TBX4: variants seen among roughly 807,000 people sequenced by gnomAD.
TBX4 encodes the protein T-box transcription factor 4, also known as T-box transcription factor TBX4.
A neutral mutation model predicts 54.6 loss-of-function variants in TBX4; 13 were observed. The observed-to-expected ratio is 0.24, with a 90% CI of 0.15 to 0.38. The LOEUF is 0.38. TBX4 is among the 10% of genes least tolerant of loss of function. The pLI, the probability that TBX4 is intolerant of heterozygous loss-of-function variation, is 1.00. For missense variants in TBX4, 631 were observed against 728.5 expected, an observed-to-expected ratio of 0.87 and a Z score of 1.54; for synonymous variants, 314 against 306.7, an observed-to-expected ratio of 1.02 and a Z score of -0.25.
At position 61,474,016 on chromosome 17, in the gene TBX4, T is replaced by A. The variant is rs1345719757; in HGVS notation, c.550-4611T>A. On this transcript the variant is annotated intron_variant, in intron 5 of 8. Transcript: ENST00000644296. This position sits in a 1 kb window ranked among gnomAD's most constrained non-coding sequence, Gnocchi z 4.6. ...CCTGACTTAGATCTAGTTTGAATTT[T>A]CCTTGGATGCACCTCTTATCATCCG... Among the ~76,000 whole-genome samples, 1 of 152,224 alleles carries A rather than the reference T, an allele frequency of 6.6e-6. No individual in the cohort carries two copies. The highest frequency in any genetic ancestry group is 1.9e-4 in the East Asian group (1 of 5,202).
At chr17:61,473,438 G>T (rs1239995641) in intron 5 of TBX4, among the ~76,000 whole-genome samples, 1 of 152,260 alleles carries the variant, frequency 6.6e-6, no homozygotes, top group Non-Finnish European at 1.5e-5. Flanking sequence ...GAAGGGGGTG[G>T]TAATCAGACA....
At chr17:61,453,909 A>T (rs1569030320) in intron 1 of TBX4, among the ~76,000 whole-genome samples, 1 of 152,240 alleles carries the variant, frequency 6.6e-6, no homozygotes, top group Non-Finnish European at 1.5e-5. Context: ...AAACAGCGTG[A>T]CAAAGTATAA....
rs1252897309 is a variant in TBX4, at chr17:61,476,312, C to T, written c.550-2315C>T. ...GGTCTTCCTAGAAGAGATGTTAGGC[C>T]CAGAAGGTGAGAAAAGAATGGGAAA... On this transcript the variant is annotated intron_variant, in intron 5 of 8. Coordinates refer to ENST00000644296, the MANE Select transcript of TBX4 (RefSeq NM_001321120.2). The surrounding 1 kb of genome is among the most constrained non-coding windows in gnomAD (Gnocchi z 6.5). 6.6e-6 allele frequency among the ~76,000 whole-genome samples: 1 copy of T among 152,120 alleles called. No individual in the cohort carries two copies. The highest frequency in any genetic ancestry group is 1.5e-5 in the Non-Finnish European group (1 of 68,020).
chr17:61,456,347 A>G, intron 1 of TBX4, 141 bp from the exon 2 acceptor site: 1 of 1,141,574 alleles, frequency 8.8e-7, no homozygotes, highest in East Asian at 2.7e-5. Flanking sequence ...TCCCTCCTCC[A>G]GCTCAGGAGG....
In TBX4 at chr17:61,478,980, C is replaced by T. The variant is rs3785825; in HGVS notation, c.702+201C>T. ...AGAAAAGGACCCTAGATATGTCCAT[C>T]TCCAGCACAGAGGAATTACGGTCTC... On this transcript the variant is annotated intron_variant, in intron 6 of 8. Coordinates refer to ENST00000644296, the MANE Select transcript of TBX4 (RefSeq NM_001321120.2). The surrounding 1 kb of genome is among the most constrained non-coding windows in gnomAD (Gnocchi z 7.4). Among the ~76,000 whole-genome samples, 25,610 of 152,192 alleles carry T rather than the reference C, an allele frequency of 0.17. 2,329 individuals are homozygous for T. Among genetic ancestry groups the T allele is most frequent in the Non-Finnish European group, 0.19 (13,201 of 68,010 alleles).
intron 1 of TBX4, among the ~76,000 whole-genome samples, chr17:61,453,277 A>G (rs1445092378): frequency 6.6e-6 from 1 of 152,216 alleles, no homozygotes; most frequent in African/African-American, 2.4e-5. Flanking sequence ...ATTAAAACCA[A>G]TTGCACTAAT....
At position 61,479,849 on chromosome 17, in the gene TBX4, C is replaced by T. The variant is rs2060650542; in HGVS notation, c.703-32C>T. 1.2e-6 allele frequency: 2 copies of T among 1,605,582 alleles called. No homozygotes were observed. Among genetic ancestry groups the T allele is most frequent in the South Asian group, 2.2e-5 (2 of 90,920 alleles). ...AACTGAGACACATTTGTGTGCCTCA[C>T]ACTGGTGACCCTATGTGTTTTCTCC... On this transcript the variant is annotated intron_variant, in intron 6 of 8. Transcript: ENST00000644296. The surrounding 1 kb of genome is among the most constrained non-coding windows in gnomAD (Gnocchi z 6.1).
In TBX4 at chr17:61,460,668, T is replaced by C. The variant is rs1352289885; in HGVS notation, c.281+3037T>C. ...CCCTCTCTTGGCCTCCCCACATCCC[T>C]GCCAAGCTTGATACATGTGAGAAAC... is the stretch of plus-strand genomic sequence containing the variant. On this transcript the variant is annotated intron_variant, in intron 3 of 8. Transcript: ENST00000644296. This position sits in a 1 kb window ranked among gnomAD's most constrained non-coding sequence, Gnocchi z 4.4. Among the ~76,000 whole-genome samples, 1 of 152,146 alleles carries C rather than the reference T, an allele frequency of 6.6e-6. No homozygotes were observed. Among genetic ancestry groups the C allele is most frequent in the Non-Finnish European group, 1.5e-5 (1 of 68,034 alleles).
chr17:61,468,563 A>G (rs145951237), intron 5 of TBX4, among the ~76,000 whole-genome samples: 2 of 152,304 alleles, frequency 1.3e-5, no homozygotes, highest in South Asian at 2.1e-4. Flanking sequence ...CATAGTTCCT[A>G]TGGAAAACTC....
At position 61,483,654 on chromosome 17, in the gene TBX4, A is replaced by G. The variant is rs77924694; in HGVS notation, c.*138A>G. ...TGTGTGTGTGTGTGTGTGTGTGTGT[A>G]TACACGAGCATGTATGTATTTGGAG... On this transcript the variant is annotated 3_prime_UTR_variant, in exon 9 of 9. Transcript: ENST00000644296. The surrounding 1 kb of genome is among the most constrained non-coding windows in gnomAD (Gnocchi z 6.6). 0.19 allele frequency: 89,146 copies of G among 477,682 alleles called. 3,447 individuals carry two copies. The highest frequency in any genetic ancestry group is 0.26 in the Admixed American group (7,037 of 27,084). The allele number at this position is 477,682 out of a possible 1,614,324, so 29.6% of individuals were successfully genotyped here.
intron 4 of TBX4, among the ~76,000 whole-genome samples, chr17:61,466,682 G>A (rs756739088): frequency 2.0e-5 from 3 of 152,222 alleles, no homozygotes; most frequent in East Asian, 1.9e-4. Flanking sequence ...TGGTGGCCAC[G>A]TCCTGGCAAG....
rs2060500503 is a variant in TBX4 at position 61,462,334 on chromosome 17, C to T, written c.282-3485C>T. 6.6e-6 allele frequency among the ~76,000 whole-genome samples: 1 copy of T among 151,298 alleles called. No individual in the cohort carries two copies. Among genetic ancestry groups the T allele is most frequent in the African/African-American group, 2.4e-5 (1 of 41,314 alleles). Reference sequence around the variant, plus strand: ...TTTATTCCCCTGGCGGAGCCGTTTCCGCGTGTGCCGTGGGGAGGGCGGGGG... The same window carrying T: ...TTTATTCCCCTGGCGGAGCCGTTTCTGCGTGTGCCGTGGGGAGGGCGGGGG... On this transcript the variant is annotated intron_variant, in intron 3 of 8. Coordinates refer to ENST00000644296, the MANE Select transcript of TBX4 (RefSeq NM_001321120.2). This position sits in a 1 kb window ranked among gnomAD's most constrained non-coding sequence, Gnocchi z 4.5.
rs963193059 is a variant in TBX4 at position 61,476,658 on chromosome 17, C to G, written c.550-1969C>G. ...CTGCATTCCTCACCTGGCAGGCCCCCAGTCGGGCAGCAGGTCCCCAGCTGC... is the reference window on the plus strand; with the variant it reads ...CTGCATTCCTCACCTGGCAGGCCCCGAGTCGGGCAGCAGGTCCCCAGCTGC... On this transcript the variant is annotated intron_variant, in intron 5 of 8. Transcript: ENST00000644296. This position sits in a 1 kb window ranked among gnomAD's most constrained non-coding sequence, Gnocchi z 6.5. 1.3e-5 allele frequency among the ~76,000 whole-genome samples: 2 copies of G among 152,218 alleles called. No individual in the cohort carries two copies. The highest frequency in any genetic ancestry group is 4.8e-5 in the African/African-American group (2 of 41,450).
At chr17:61,470,996 C>A (rs2143834360) in intron 5 of TBX4, among the ~76,000 whole-genome samples, 1 of 152,346 alleles carries the variant, frequency 6.6e-6, no homozygotes, top group Admixed American at 6.5e-5. Context: ...TGCAGGTATC[C>A]CAGATTGCTG....
intron 3 of TBX4, among the ~76,000 whole-genome samples, chr17:61,463,964 G>A (rs1021983865): frequency 3.3e-5 from 5 of 152,274 alleles, no homozygotes; most frequent in African/African-American, 9.6e-5. Context: ...ATCCAGCTGC[G>A]CCCCCAGGCC....
chr17:61,471,543 AT>A (rs59212228), intron 5 of TBX4, among the ~76,000 whole-genome samples: 4,731 of 136,134 alleles, frequency 0.035, 175 homozygotes, highest in African/African-American at 0.1. Flanking sequence ...TCTTTTCAGC[AT>A]TTTTTTTTTT....
Position 61,483,546 on chromosome 17 carries a change from C to A in TBX4, c.*30C>A. On this transcript the variant is annotated 3_prime_UTR_variant, in exon 9 of 9. Coordinates refer to ENST00000644296, the MANE Select transcript of TBX4 (RefSeq NM_001321120.2). The surrounding 1 kb of genome is among the most constrained non-coding windows in gnomAD (Gnocchi z 6.6). ...CACGTCTCCTCCATAGCCCCGGGAC[C>A]GTGTTGCTCCAGTATTAACCTCTGT... 6.2e-7 allele frequency: 1 copy of A among 1,612,822 alleles called. No individual in the cohort carries two copies. The highest frequency in any genetic ancestry group is 2.2e-5 in the East Asian group (1 of 44,832).
rs1455757541 is a variant in TBX4, at chr17:61,465,665, A to T, written c.282-154A>T. ...ACTGTGCAGCTCGGGCAGAGGGGGA[A>T]GTGAGTTGTGCAGGTCACACAGCTG... On this transcript the variant is annotated intron_variant, in intron 3 of 8. Transcript: ENST00000644296. The surrounding 1 kb of genome is among the most constrained non-coding windows in gnomAD (Gnocchi z 4.9). 1 of 936,602 alleles carries T rather than the reference A, an allele frequency of 1.1e-6. No homozygotes were observed. Among genetic ancestry groups the T allele is most frequent in the Non-Finnish European group, 1.7e-6 (1 of 594,662 alleles). The allele number at this position is 936,602 out of a possible 1,614,324, so 58.0% of individuals were successfully genotyped here.
chr17:61,470,309 G>A (rs1479883759), intron 5 of TBX4, among the ~76,000 whole-genome samples: 1 of 152,192 alleles, frequency 6.6e-6, no homozygotes, highest in Admixed American at 6.5e-5. Context: ...GGGAGGGGGT[G>A]TGGAACAACT....
Sources: gnomAD v4.1 joint callset for allele counts (sites outside exome capture counted in the v4.1 genomes callset) on GRCh38, gnomAD v4.1.1 for gene constraint, Gnocchi (gnomAD v3.1) non-coding constraint, MANE v1.5 for transcripts, NCBI Gene and HGNC (gene_info 2026-07-23, HGNC 2026-07-21) for gene names.